IFRD1: variants seen among roughly 807,000 people sequenced by gnomAD.
IFRD1 encodes the protein interferon-related developmental regulator 1.
Under a neutral mutation model 52.9 loss-of-function variants are expected in IFRD1, and 35 were observed. The ratio of observed to expected loss-of-function variants is 0.66; its 90% CI spans 0.51 to 0.88. The LOEUF (loss-of-function observed/expected upper bound fraction) is 0.88. Ranked by LOEUF, IFRD1 falls within the 40% of genes least tolerant of loss-of-function variation. The pLI is 0.00. For synonymous variants in IFRD1, 184 were observed against 188.4 expected (o/e 0.98, Z 0.19); for missense variants, 517 against 550.8 (o/e 0.94, Z 0.61).
rs892933064 is a variant in IFRD1, at chr7:112,458,868, T to G, written c.417T>G (p.Ser139Arg). The G allele has an allele frequency of 6.2e-7, 1 of 1,613,956 alleles. No individual in the cohort carries two copies. The highest frequency in any genetic ancestry group is 8.5e-7 in the Non-Finnish European group (1 of 1,179,886). The change falls in exon 5 of 12, where the codon AGT becomes AGG. Residue 139 changes from serine to arginine, a missense_variant. By Grantham distance (110) the Ser-to-Arg change is moderately radical. Transcript: ENST00000403825. ...SIERCLKKGK[S>R]DEQRAAAALA... ...TCTTGGCTGCTTTTATAGGTAAGAG[T>G]GATGAGCAACGTGCAGCTGCAGCGT...
rs1009093211 is a variant in IFRD1 at position 112,476,918 on chromosome 7, A to G, written c.*1399A>G. 2.0e-5 allele frequency: 3 copies of G among 152,180 alleles called. No homozygotes were observed. The highest frequency in any genetic ancestry group is 7.2e-5 in the African/African-American group (3 of 41,444). The allele number at this position is 152,180 out of a possible 1,614,324, so 9.4% of individuals were successfully genotyped here. On this transcript the variant is annotated 3_prime_UTR_variant, in exon 12 of 12. Transcript: ENST00000403825. ...TTCCAAACTAGTGTTCCCCTCCCAC[A>G]TCCCAACAACTCTTGGAAGTCTGGT... is the stretch of plus-strand genomic sequence containing the variant.
At chr7:112,474,964 A>AT (rs35849906) in intron 11 of IFRD1, among the ~76,000 whole-genome samples, 57,977 of 150,460 alleles carry the variant, frequency 0.39, 11,557 homozygotes, top group Non-Finnish European at 0.44. Flanking sequence ...CTCTTTATTT[A>AT]TTTATTTTTT....
At chr7:112,454,161 A>C (rs1795230881) in intron 1 of IFRD1, among the ~76,000 whole-genome samples, 2 of 152,164 alleles carry the variant, frequency 1.3e-5, no homozygotes, top group Non-Finnish European at 2.9e-5. Flanking sequence ...CTAGTTTTTA[A>C]AAAGAAGATT....
At chr7:112,457,169 C>A in intron 4 of IFRD1, 131 bp downstream of exon 4, 1 of 927,000 alleles carries the variant, frequency 1.1e-6, no homozygotes, top group Non-Finnish European at 1.7e-6. Flanking sequence ...AAGGAGTGCA[C>A]CATCTTGTTA....
chr7:112,475,757 A>T lies in IFRD1; in HGVS notation c.*238A>T. ...TGTAATGTTTGGTCATAATTTATTT[A>T]TGAAGACAGCAAAAGACTGATTTCA... On this transcript the variant is annotated 3_prime_UTR_variant, in exon 12 of 12. Coordinates refer to ENST00000403825, the MANE Select transcript of IFRD1 (RefSeq NM_001550.4). The T allele has an allele frequency of 2.2e-6, 1 of 449,726 alleles. No individual in the cohort carries two copies. Among genetic ancestry groups the T allele is most frequent in the Admixed American group, 4.0e-5 (1 of 25,250 alleles). 27.9% of individuals were successfully genotyped at this position (449,726 alleles called of 1,614,324 possible).
intron 9 of IFRD1, among the ~76,000 whole-genome samples, chr7:112,469,542 A>C (rs925040258): frequency 6.6e-6 from 1 of 151,730 alleles, no homozygotes; most frequent in Non-Finnish European, 1.5e-5. Flanking sequence ...ACTATAAACT[A>C]TTCCTATATT....
chr7:112,433,771 T>C (rs1794600124), intron 1 of IFRD1, among the ~76,000 whole-genome samples: 1 of 152,216 alleles, frequency 6.6e-6, no homozygotes, highest in South Asian at 2.1e-4. Flanking sequence ...GATCTTTCAC[T>C]GTCATAATTT....
chr7:112,438,585 C>T (rs1240413210), intron 1 of IFRD1, among the ~76,000 whole-genome samples: 1 of 152,104 alleles, frequency 6.6e-6, no homozygotes. Flanking sequence ...AAAAATTTAT[C>T]ATAAGAAACA....
At position 112,455,951 on chromosome 7, in the gene IFRD1, C is replaced by A. The variant is rs76661764; in HGVS notation, c.200-51C>A. The A allele has an allele frequency of 3.3e-3, 4,816 of 1,446,582 alleles. 123 individuals carry two copies. In the African/African-American group the frequency reaches 0.06, roughly 18 times the overall value. 89.6% of individuals were successfully genotyped at this position (1,446,582 alleles called of 1,614,324 possible). ...CTTGTAGCTAAAGTATACTATTATT[C>A]CCTGTTTTTTTTCTTTTAAATTACG... On this transcript the variant is annotated intron_variant, in intron 2 of 11. Coordinates refer to ENST00000403825, the MANE Select transcript of IFRD1 (RefSeq NM_001550.4).
At chr7:112,444,246 CACTG>C (rs542494389) in intron 1 of IFRD1, among the ~76,000 whole-genome samples, 144 of 152,278 alleles carry the variant, frequency 9.5e-4, no homozygotes, top group African/African-American at 3.3e-3. Flanking sequence ...GACAATTAAA[CACTG>C]ACTGTCTTTT....
In IFRD1 at chr7:112,467,987, T is replaced by C. The variant is rs1795655496; in HGVS notation, c.913T>C (p.Phe305Leu). 3 of 1,613,890 alleles carry C rather than the reference T, an allele frequency of 1.9e-6. No individual in the cohort carries two copies. Among genetic ancestry groups the C allele is most frequent in the African/African-American group, 2.7e-5 (2 of 74,936 alleles). Residue 305 changes from phenylalanine to leucine, a missense_variant, in exon 9 of 12, where the codon TTT (phenylalanine) becomes CTT (leucine). By Grantham distance (22) the Phe-to-Leu change is conservative. Transcript: ENST00000403825. ...ELARGIESDFFYEDMESLTQM... is the reference protein window; with the variant it reads ...ELARGIESDFLYEDMESLTQM... ...AATTGCTTTTCTTGTCCAGGACTTT[T>C]TTTATGAAGACATGGAGTCCTTGAC...
Position 112,452,134 on chromosome 7 carries a change from G to T in IFRD1, c.94+1352G>T, listed in dbSNP as rs79977555. ...ATGTAATTTATTGTGGCCTCTGGTT[G>T]CTCTATGTGAATTGAGGATACTTTT... On this transcript the variant is annotated intron_variant, in intron 1 of 11. Transcript: ENST00000403825. 4 of 975,698 alleles carry T rather than the reference G, an allele frequency of 4.1e-6. No individual in the cohort carries two copies. The South Asian group carries it at 1.4e-4, about 35-fold the overall frequency. The allele number at this position is 975,698 out of a possible 1,614,324, so 60.4% of individuals were successfully genotyped here.
In IFRD1 at chr7:112,450,766, G is replaced by C. The variant is rs1795136060; in HGVS notation, c.78G>C (p.Ala26=). ...GCGGCGGGTCAGGAGCAGCCGCAGC[G>C]ACGGCGGCGACAGCAGGTAAGGGGT... The part of the protein sequence containing the change: ...AGGGGSGAAA[A]TAATAGGQHR... Residue 26 remains alanine, a synonymous_variant, in exon 1 of 12, where the codon GCG becomes GCC. Transcript: ENST00000403825. 6 of 1,612,070 alleles carry C rather than the reference G, an allele frequency of 3.7e-6. No homozygotes were observed. The highest frequency in any genetic ancestry group is 5.1e-6 in the Non-Finnish European group (6 of 1,179,350).
At chr7:112,424,242 G>T (rs1794380810) in intron 1 of IFRD1, among the ~76,000 whole-genome samples, 1 of 152,018 alleles carries the variant, frequency 6.6e-6, no homozygotes, top group Non-Finnish European at 1.5e-5. Flanking sequence ...ATCGTCTGGG[G>T]ATACTCTCCA....
intron 1 of IFRD1, among the ~76,000 whole-genome samples, chr7:112,441,535 T>C (rs1465298725): frequency 2.0e-5 from 3 of 152,178 alleles, no homozygotes; most frequent in Non-Finnish European, 4.4e-5. Flanking sequence ...TGGAAGCTCA[T>C]GACGAGATGG....
At chr7:112,440,093 C>G (rs1326730947) in intron 1 of IFRD1, among the ~76,000 whole-genome samples, 1 of 151,982 alleles carries the variant, frequency 6.6e-6, no homozygotes, top group Non-Finnish European at 1.5e-5. Flanking sequence ...TCAAGAAATT[C>G]TCCTGCCTCA....
chr7:112,474,312 C>G (rs1795837387), intron 11 of IFRD1, among the ~76,000 whole-genome samples: 1 of 152,142 alleles, frequency 6.6e-6, no homozygotes, highest in South Asian at 2.1e-4. Flanking sequence ...ATTTAACTTT[C>G]TCAGAAACCA....
At chr7:112,458,171 A>T (rs1164437768) in intron 4 of IFRD1, 1 of 152,198 alleles carries the variant, frequency 6.6e-6, no homozygotes, top group Admixed American at 6.5e-5. Context: ...TTACATTTTT[A>T]ATTTATCAGG....
chr7:112,451,824 A>G (rs1009549518), intron 1 of IFRD1, among the ~76,000 whole-genome samples: 29 of 152,202 alleles, frequency 1.9e-4, no homozygotes, highest in African/African-American at 6.5e-4. Flanking sequence ...CACTGGAACT[A>G]TTAGCCATCA....
Sources: gnomAD v4.1 joint callset for allele counts (sites outside exome capture counted in the v4.1 genomes callset) on GRCh38, gnomAD v4.1.1 for gene constraint, MANE v1.5 for transcripts, NCBI Gene and HGNC (gene_info 2026-07-23, HGNC 2026-07-21) for gene names.